GTPBP2: variants seen among roughly 807,000 people sequenced by gnomAD.
GTPBP2 encodes GTP binding protein 2.
In GTPBP2, 32 loss-of-function variants were observed where a neutral mutation model predicts 63.0. The ratio of observed to expected loss-of-function variants is 0.51; its 90% CI spans 0.38 to 0.68. The LOEUF is 0.68. Among genes scored for constraint, GTPBP2 ranks in the 30% least tolerant of loss-of-function variants. The pLI is 0.00. For missense variants in GTPBP2, 492 were observed against 796.9 expected, an observed-to-expected ratio of 0.62 and a Z score of 4.61; for synonymous variants, 310 against 322.6, an observed-to-expected ratio of 0.96 and a Z score of 0.42.
At position 43,621,757 on chromosome 6, in the gene GTPBP2, G is replaced by T; in HGVS notation, c.1666C>A (p.Arg556Ser). Reference protein sequence around the residue: ...KLRTGEKAVVRFRFLKHPEYL... With the variant: ...KLRTGEKAVVSFRFLKHPEYL... ...TCTGGGTGTTTCAGGAAGCGGAAACGTACCACTGCCTTCTCGCCTGTCCGC... is the reference window on the plus strand; with the variant it reads ...TCTGGGTGTTTCAGGAAGCGGAAACTTACCACTGCCTTCTCGCCTGTCCGC... Residue 556 changes from arginine to serine, a missense_variant, in exon 12 of 12, where the codon CGT becomes AGT. Physicochemically the swap from Arg to Ser is moderately radical, Grantham distance 110 (BLOSUM62 -1). Around this residue, in one of 2 missense-constraint regions of GTPBP2, gnomAD observed 400 missense variants for 710.8 expected, o/e 0.56. Coordinates refer to ENST00000307126, the MANE Select transcript of GTPBP2 (RefSeq NM_019096.5). The T allele has an allele frequency of 3.1e-6, 5 of 1,614,128 alleles. No homozygotes were observed. The highest frequency in any genetic ancestry group is 4.2e-6 in the Non-Finnish European group (5 of 1,179,996).
chr6:43,627,700 G>C (rs539455002), intron 1 of GTPBP2, among the ~76,000 whole-genome samples: 3 of 152,300 alleles, frequency 2.0e-5, no homozygotes, highest in Admixed American at 6.5e-5. Context: ...CAGGTACAAA[G>C]GGATATGGGA....
chr6:43,620,520 A>T lies in GTPBP2; in HGVS notation c.*1094T>A, dbSNP rs1004487498. ...TCAATAAAACATTTTTATTCTGTAC[A>T]ATATATATGTGTATTTAAATATATA... On this transcript the variant is annotated 3_prime_UTR_variant, in exon 12 of 12. Transcript: ENST00000307126. The T allele has an allele frequency of 8.5e-6, 2 of 236,620 alleles. No homozygotes were observed. Among genetic ancestry groups the T allele is most frequent in the Non-Finnish European group, 1.7e-5 (2 of 118,586 alleles). The allele number at this position is 236,620 out of a possible 1,614,324, so 14.7% of individuals were successfully genotyped here.
At position 43,620,869 on chromosome 6, in the gene GTPBP2, C is replaced by T. The variant is rs186614639; in HGVS notation, c.*745G>A. The T allele has an allele frequency of 6.5e-6, 1 of 154,600 alleles. No homozygotes were observed. Among genetic ancestry groups the T allele is most frequent in the Admixed American group, 6.4e-5 (1 of 15,678 alleles). The allele number at this position is 154,600 out of a possible 1,614,324, so 9.6% of individuals were successfully genotyped here. ...ATGACCGCAGAGGAAAAAGACCAGA[C>T]TGATGGGCATGCAGCTGGCCTTTGG... On this transcript the variant is annotated 3_prime_UTR_variant, in exon 12 of 12. Transcript: ENST00000307126.
chr6:43,625,207 T>G lies in GTPBP2; in HGVS notation c.706-145A>C. ...TTTAATTTAGTTGATTCCCCATTGA[T>G]TTCCTAAGAGGGGCAGAGCTTGTTC... On this transcript the variant is annotated intron_variant, in intron 5 of 11. Transcript: ENST00000307126. This position sits in a 1 kb window ranked among gnomAD's most constrained non-coding sequence, Gnocchi z 5.1. 9.7e-7 allele frequency: 1 copy of G among 1,025,724 alleles called. No homozygotes were observed. The highest frequency in any genetic ancestry group is 2.4e-5 in the East Asian group (1 of 42,096). 63.5% of individuals were successfully genotyped at this position (1,025,724 alleles called of 1,614,324 possible). A position where few individuals can be genotyped will look rare whatever the true frequency, so the allele number is the denominator to read the frequency against.
chr6:43,629,774 G>C, upstream of GTPBP2: 2 of 1,563,206 alleles, frequency 1.3e-6, no homozygotes, highest in Non-Finnish European at 1.7e-6. Context: ...GCTGGGGTGA[G>C]TCAGGGCGAA....
At chr6:43,623,113 A>G in intron 9 of GTPBP2, 1 of 315,126 alleles carries the variant, frequency 3.2e-6, no homozygotes, top group East Asian at 6.2e-5. Flanking sequence ...GTCTTAGGCC[A>G]GCCGCGTTGG....
chr6:43,630,908 C>CAAAAAAAAAAAAAA (rs753239311), upstream of GTPBP2, among the ~76,000 whole-genome samples: 6 of 53,606 alleles, frequency 1.1e-4, no homozygotes, highest in African/African-American at 4.1e-4. Flanking sequence ...GACTTCGTCT[C>CAAAAAAAAAAAAAA]AAAAAAAAAA....
chr6:43,623,021 C>G (rs1196972761), intron 9 of GTPBP2: 1 of 551,738 alleles, frequency 1.8e-6, no homozygotes, highest in Non-Finnish European at 3.2e-6. Context: ...GACAGAGAGA[C>G]ACTTGCTGGT....
chr6:43,630,908 C>CAAAAAAAAAA (rs753239311), upstream of GTPBP2, among the ~76,000 whole-genome samples: 63 of 53,044 alleles, frequency 1.2e-3, no homozygotes, highest in East Asian at 3.1e-3. Flanking sequence ...GACTTCGTCT[C>CAAAAAAAAAA]AAAAAAAAAA....
chr6:43,626,809 CA>C lies in GTPBP2; in HGVS notation c.213+112del, dbSNP rs1769390491. ...CGCCACTGCACTCCAGCCTAGGCAA[CA>C]AGAGCAAAACTTCATCTCAAAAAAA... On this transcript the variant is annotated intron_variant, in intron 2 of 11. Coordinates refer to ENST00000307126, the MANE Select transcript of GTPBP2 (RefSeq NM_019096.5). The surrounding 1 kb of genome is among the most constrained non-coding windows in gnomAD (Gnocchi z 4.0). 5 of 870,332 alleles carry C rather than the reference CA, an allele frequency of 5.7e-6. No individual in the cohort carries two copies. In the Admixed American group the frequency reaches 9.4e-5, roughly 16 times the overall value. The allele number at this position is 870,332 out of a possible 1,614,324, so 53.9% of individuals were successfully genotyped here. A position where few individuals can be genotyped will look rare whatever the true frequency, so the allele number is the denominator to read the frequency against.
intron 1 of GTPBP2, among the ~76,000 whole-genome samples, chr6:43,627,582 G>C (rs922012605): frequency 6.6e-6 from 1 of 152,146 alleles, no homozygotes; most frequent in African/African-American, 2.4e-5. Context: ...TTTACCTCTT[G>C]CCCCCTAACC....
chr6:43,625,575 C>T lies in GTPBP2; in HGVS notation c.508-15G>A. Reference sequence around the variant, plus strand: ...AGGTCTAGGAACTGTGGATGAATTGCCAGAGATAAGAACTCCAATCTCTCA... The same window carrying T: ...AGGTCTAGGAACTGTGGATGAATTGTCAGAGATAAGAACTCCAATCTCTCA... On this transcript the variant is annotated splice_polypyrimidine_tract_variant and intron_variant, in intron 4 of 11. Transcript: ENST00000307126. This position sits in a 1 kb window ranked among gnomAD's most constrained non-coding sequence, Gnocchi z 5.1. 1.2e-6 allele frequency: 2 copies of T among 1,603,320 alleles called. No individual in the cohort carries two copies. The highest frequency in any genetic ancestry group is 2.2e-5 in the South Asian group (2 of 90,854).
In GTPBP2 at chr6:43,621,144, G is replaced by T; in HGVS notation, c.*470C>A. The T allele has an allele frequency of 9.1e-6, 3 of 328,220 alleles. No individual in the cohort carries two copies. The highest frequency in any genetic ancestry group is 7.6e-5 in the South Asian group (3 of 39,622). The allele number at this position is 328,220 out of a possible 1,614,324, so 20.3% of individuals were successfully genotyped here. A position where few individuals can be genotyped will look rare whatever the true frequency, so the allele number is the denominator to read the frequency against. On this transcript the variant is annotated 3_prime_UTR_variant, in exon 12 of 12. Transcript: ENST00000307126. ...CACCACCACCAGATGGCCAAGAGCA[G>T]ATAACCTTTTGTCCACAGCCAGGTA...
intron 1 of GTPBP2, chr6:43,628,609 G>C: frequency 1.1e-6 from 1 of 915,064 alleles, no homozygotes; most frequent in Non-Finnish European, 1.3e-6. Context: ...AAGTTTAGAA[G>C]AAGTGGTGGT....
At chr6:43,623,668 T>C in intron 9 of GTPBP2, 69 bp downstream of exon 9, 1 of 1,162,086 alleles carries the variant, frequency 8.6e-7, no homozygotes, top group Non-Finnish European at 1.3e-6. Context: ...GTCTCCTCCT[T>C]TGGGCCAGGA....
Position 43,622,559 on chromosome 6 carries a change from A to G in GTPBP2, c.1467+74T>C. 1 of 1,373,704 alleles carries G rather than the reference A, an allele frequency of 7.3e-7. No individual in the cohort carries two copies. The allele number at this position is 1,373,704 out of a possible 1,614,324, so 85.1% of individuals were successfully genotyped here. A position where few individuals can be genotyped will look rare whatever the true frequency, so the allele number is the denominator to read the frequency against. The stretch of plus-strand genomic sequence containing the variant: ...TGAGTTTCTCTGAAGCACCTTAGAT[A>G]GGTGCTCATTCAGTAGCCAGTCTCC... On this transcript the variant is annotated intron_variant, in intron 10 of 11. Transcript: ENST00000307126. The surrounding 1 kb of genome is among the most constrained non-coding windows in gnomAD (Gnocchi z 5.4).
upstream of GTPBP2, chr6:43,629,704 G>A (rs1203031276): frequency 1.2e-5 from 19 of 1,548,946 alleles, no homozygotes; most frequent in East Asian, 4.6e-4. Flanking sequence ...GAGGCTACTG[G>A]TGCCGCCAGC....
At chr6:43,628,470 C>CTG (rs60906505) in intron 1 of GTPBP2, 29,880 of 431,936 alleles carry the variant, frequency 0.069, 1,129 homozygotes, top group African/African-American at 0.15. Context: ...CTGGCTTAGG[C>CTG]TGTGTGTGTG....
chr6:43,625,481 T>G lies in GTPBP2; in HGVS notation c.587A>C (p.Glu196Ala). The change falls in exon 5 of 12, where the codon GAG becomes GCG. Residue 196 changes from glutamate to alanine, a missense_variant. Glu to Ala is a moderately radical substitution (Grantham distance 107). This residue lies in a region of GTPBP2 where 400 missense variants were observed against 710.8 expected (regional missense o/e 0.56). Coordinates refer to ENST00000307126, the MANE Select transcript of GTPBP2 (RefSeq NM_019096.5). This position sits in a 1 kb window ranked among gnomAD's most constrained non-coding sequence, Gnocchi z 5.1. Reference protein sequence around the residue: ...STLLGVLTQGELDNGRGRARL... With the variant: ...STLLGVLTQGALDNGRGRARL... ...AGCCCGGCCCCGCCCATTGTCCAGC[T>G]CTCCCTGGGTCAGGACTCCAAGCAG... 1 of 1,613,904 alleles carries G rather than the reference T, an allele frequency of 6.2e-7. No homozygotes were observed. The highest frequency in any genetic ancestry group is 8.5e-7 in the Non-Finnish European group (1 of 1,179,888).
Sources: allele counts gnomAD v4.1 joint callset (sites outside exome capture counted in the v4.1 genomes callset), GRCh38; gene constraint gnomAD v4.1.1; regional missense constraint gnomAD v4.1.1; non-coding constraint Gnocchi (gnomAD v3.1); transcripts MANE v1.5; gene names NCBI Gene and HGNC (gene_info 2026-07-23, HGNC 2026-07-21).